The following SYNE1 variants were observed in gnomAD, a reference collection of about 807,000 sequenced individuals.
SYNE1 encodes the protein nesprin-1.
In SYNE1, 616 loss-of-function variants were observed where a neutral mutation model predicts 1,111.0. That is an observed-to-expected ratio of 0.55 (90% CI 0.52 to 0.59). SYNE1 has a LOEUF of 0.59. SYNE1 is among the 20% of genes least tolerant of loss of function. SYNE1 has a pLI of 0.00. For synonymous variants in SYNE1, 3,855 were observed against 3,825.8 expected (o/e 1.01, Z -0.28); for missense variants, 10,006 against 10,417.0 (o/e 0.96, Z 1.72).
intron 66 of SYNE1, among the ~76,000 whole-genome samples, chr6:152,358,032 C>T (rs538181929): frequency 1.1e-4 from 16 of 152,278 alleles, no homozygotes; most frequent in South Asian, 6.2e-4. Context: ...TGACTTCTGC[C>T]GCTGTCCCCC....
At chr6:152,534,418 A>G (rs1013946112) in intron 4 of SYNE1, among the ~76,000 whole-genome samples, 1 of 152,052 alleles carries the variant, frequency 6.6e-6, no homozygotes, top group African/African-American at 2.4e-5. Flanking sequence ...GAAATAACTA[A>G]TTTATTAGAA....
At chr6:152,621,249 G>C (rs906474122) in intron 3 of SYNE1, among the ~76,000 whole-genome samples, 2 of 152,140 alleles carry the variant, frequency 1.3e-5, no homozygotes, top group Non-Finnish European at 1.5e-5. Context: ...TTAGAATATG[G>C]AATCCCAGCC....
chr6:152,520,373 T>A, intron 6 of SYNE1, 86 bp downstream of exon 6: 4 of 1,271,752 alleles, frequency 3.1e-6, no homozygotes, highest in Admixed American at 1.7e-5. Flanking sequence ...CATCCTCCTA[T>A]CTGACTACAG....
intron 81 of SYNE1, among the ~76,000 whole-genome samples, chr6:152,324,218 G>C (rs1479208170): frequency 2.6e-5 from 4 of 151,908 alleles, no homozygotes; most frequent in Non-Finnish European, 5.9e-5. Context: ...GACAAACATG[G>C]AGAAACCCCG....
At chr6:152,567,453 C>T (rs1327294261) in intron 3 of SYNE1, among the ~76,000 whole-genome samples, 1 of 152,078 alleles carries the variant, frequency 6.6e-6, no homozygotes, top group Non-Finnish European at 1.5e-5. Flanking sequence ...CGTAATTAGC[C>T]TATAGTGAAG....
chr6:152,510,473 C>G, intron 7 of SYNE1, 102 bp from the exon 8 acceptor site: 1 of 1,347,836 alleles, frequency 7.4e-7, no homozygotes, highest in East Asian at 2.5e-5. Context: ...TGTTAACACT[C>G]TTGACATTCC....
intron 128 of SYNE1, among the ~76,000 whole-genome samples, chr6:152,185,848 T>C (rs1353164109): frequency 6.6e-6 from 1 of 152,214 alleles, no homozygotes; most frequent in Non-Finnish European, 1.5e-5. Context: ...CAATTAATAA[T>C]AGCAATAATT....
At position 152,156,220 on chromosome 6, in the gene SYNE1, T is replaced by C. The variant is rs554892693; in HGVS notation, c.23791-123A>G. 464 of 1,015,612 alleles carry C rather than the reference T, an allele frequency of 4.6e-4. 4 individuals carry two copies. The South Asian group carries it at 5.0e-3, about 11-fold the overall frequency. The allele number at this position is 1,015,612 out of a possible 1,614,324, so 62.9% of individuals were successfully genotyped here. A position where few individuals can be genotyped will look rare whatever the true frequency, so the allele number is the denominator to read the frequency against. Reference sequence around the variant, plus strand: ...GACAAATATTTAATTTCCTTGAATGTATGACATTTATTGAGCCTCATTTAT... The same window carrying C: ...GACAAATATTTAATTTCCTTGAATGCATGACATTTATTGAGCCTCATTTAT... On this transcript the variant is annotated intron_variant, in intron 131 of 145. Transcript: ENST00000367255.
chr6:152,524,932 T>C (rs1403785532), intron 5 of SYNE1, among the ~76,000 whole-genome samples: 1 of 152,162 alleles, frequency 6.6e-6, no homozygotes, highest in East Asian at 1.9e-4. Flanking sequence ...TTGGTACTAC[T>C]AACTCCCCAA....
intron 98 of SYNE1, 135 bp from the exon 99 acceptor site, chr6:152,269,421 T>TAAA: frequency 1.6e-6 from 2 of 1,214,376 alleles, no homozygotes; most frequent in Non-Finnish European, 2.4e-6. Flanking sequence ...CCACATTTTT[T>TAAA]AAAAAAAACA....
chr6:152,276,062 T>G (rs2093609386), intron 98 of SYNE1, among the ~76,000 whole-genome samples: 1 of 147,952 alleles, frequency 6.8e-6, no homozygotes, highest in Non-Finnish European at 1.5e-5. Flanking sequence ...TGAGACAGGA[T>G]TTCACTCTGT....
At chr6:152,216,196 T>C (rs948870949) in intron 121 of SYNE1, among the ~76,000 whole-genome samples, 1 of 152,160 alleles carries the variant, frequency 6.6e-6, no homozygotes, top group Non-Finnish European at 1.5e-5. Flanking sequence ...AACCAAAATA[T>C]AACTGTTAAA....
chr6:152,542,171 T>C (rs1449532374), intron 3 of SYNE1, among the ~76,000 whole-genome samples: 1 of 152,180 alleles, frequency 6.6e-6, no homozygotes, highest in African/African-American at 2.4e-5. Flanking sequence ...TTGTCTGTGC[T>C]TCAGCCCAGA....
intron 34 of SYNE1, among the ~76,000 whole-genome samples, chr6:152,432,244 G>A (rs1254609982): frequency 1.3e-5 from 2 of 152,022 alleles, no homozygotes; most frequent in Non-Finnish European, 2.9e-5. Context: ...TTCCAACAAG[G>A]CAAATGCTTC....
In SYNE1 at chr6:152,189,259, C is replaced by T; in HGVS notation, c.23294G>A (p.Cys7765Tyr). 1.2e-6 allele frequency: 2 copies of T among 1,613,768 alleles called. No individual in the cohort carries two copies. The highest frequency in any genetic ancestry group is 1.7e-4 in the Middle Eastern group (1 of 6,060). The part of the protein sequence containing the change: ...ELLQRQWEEL[C>Y]HQLSLRRQQI... The stretch of plus-strand genomic sequence containing the variant: ...TTTTAGAACTTATCTTACCTGGTGG[C>T]ATAGTTCTTCCCACTGCCTTTGCAG... Residue 7765 changes from cysteine to tyrosine, a missense_variant, in exon 128 of 146, where the codon TGC (cysteine) becomes TAC (tyrosine). This residue lies in a region of SYNE1 where 2,182 missense variants were observed against 2,287.8 expected (regional missense o/e 0.95). Transcript: ENST00000367255.
At chr6:152,139,069 A>G (rs1400904834) in intron 140 of SYNE1, among the ~76,000 whole-genome samples, 1 of 152,174 alleles carries the variant, frequency 6.6e-6, no homozygotes, top group African/African-American at 2.4e-5. Flanking sequence ...AATTTTGGAG[A>G]GGATTTCTCT....
At chr6:152,356,224 T>G (rs2096835600) in intron 66 of SYNE1, among the ~76,000 whole-genome samples, 1 of 151,970 alleles carries the variant, frequency 6.6e-6, no homozygotes, top group South Asian at 2.1e-4. Context: ...GATACATAAA[T>G]AAATGGGTGT....
Position 152,432,671 on chromosome 6 carries a change from G to T in SYNE1, c.4461+1124C>A, listed in dbSNP as rs189808646. Among the ~76,000 whole-genome samples the T allele has an allele frequency of 1.0e-3, 157 of 152,148 alleles. 2 individuals carry two copies. The highest frequency in any genetic ancestry group is 3.4e-3 in the African/African-American group (140 of 41,534). ...AATGAATTATAGAAAAAATAAATAC[G>T]TTGAAAAATGTGTGTTAATTTTCAA... On this transcript the variant is annotated intron_variant, in intron 34 of 145. Transcript: ENST00000367255.
intron 91 of SYNE1, among the ~76,000 whole-genome samples, chr6:152,302,514 A>T (rs1200067357): frequency 6.6e-6 from 1 of 152,230 alleles, no homozygotes; most frequent in Non-Finnish European, 1.5e-5. Context: ...TACCCTACTG[A>T]GTACATTCAA....
Sources: allele counts gnomAD v4.1 joint callset (sites outside exome capture counted in the v4.1 genomes callset), GRCh38; gene constraint gnomAD v4.1.1; regional missense constraint gnomAD v4.1.1; transcripts MANE v1.5; gene names NCBI Gene and HGNC (gene_info 2026-07-23, HGNC 2026-07-21).